Variants in KCNT1 observed in about 807,000 individuals in gnomAD.
KCNT1 encodes potassium channel subfamily T member 1.
A neutral mutation model predicts 147.8 loss-of-function variants in KCNT1; 78 were observed. The observed-to-expected ratio is 0.53, with a 90% CI of 0.44 to 0.64. The LOEUF (loss-of-function observed/expected upper bound fraction) is 0.64. Among genes scored for constraint, KCNT1 ranks in the 30% least tolerant of loss-of-function variants. The pLI is 0.00. For synonymous variants in KCNT1, 867 were observed against 748.8 expected (o/e 1.16, Z -2.58); for missense variants, 1,419 against 1,750.3 (o/e 0.81, Z 3.38).
intron 2 of KCNT1, chr9:135,737,109 CTTG>C: frequency 5.7e-6 from 1 of 174,610 alleles, no homozygotes; most frequent in Non-Finnish European, 1.2e-5. Flanking sequence ...GAGCCCCGAT[CTTG>C]TTGGTGCCAG....
Position 135,714,799 on chromosome 9 carries a change from C to A in KCNT1, c.254+79C>A. Reference sequence around the variant, plus strand: ...CGCCCGGAGCTGTCCGCGGTGCTGACGGCCGGTCCCGCGCGCCCCCGCAGC... The same window carrying A: ...CGCCCGGAGCTGTCCGCGGTGCTGAAGGCCGGTCCCGCGCGCCCCCGCAGC... On this transcript the variant is annotated intron_variant, in intron 2 of 30. Transcript: ENST00000371757. This position sits in a 1 kb window ranked among gnomAD's most constrained non-coding sequence, Gnocchi z 6.2. 2 of 1,018,576 alleles carry A rather than the reference C, an allele frequency of 2.0e-6. No homozygotes were observed. Among genetic ancestry groups the A allele is most frequent in the Non-Finnish European group, 2.4e-6 (2 of 822,608 alleles). The allele number at this position is 1,018,576 out of a possible 1,614,324, so 63.1% of individuals were successfully genotyped here. A position where few individuals can be genotyped will look rare whatever the true frequency, so the allele number is the denominator to read the frequency against.
At chr9:135,759,455 TGTCAGCCAGC>T (rs1356705090) in intron 10 of KCNT1, among the ~76,000 whole-genome samples, 1 of 152,190 alleles carries the variant, frequency 6.6e-6, no homozygotes, top group African/African-American at 2.4e-5. Context: ...CAAGCTGCAT[TGTCAGCCAGC>T]GTCAGGCAGG....
Position 135,731,960 on chromosome 9 carries a change from GTATATA to G in KCNT1, c.254+17267_254+17272del, listed in dbSNP as rs776201547. Among the ~76,000 whole-genome samples, 167 of 41,370 alleles carry G rather than the reference GTATATA, an allele frequency of 4.0e-3. 2 individuals are homozygous for G. The highest frequency in any genetic ancestry group is 0.019 in the Middle Eastern group (1 of 52). The allele number at this position is 41,370 out of a possible 152,430, so 27.1% of individuals were successfully genotyped here. ...ATCTAAATACTTTTCAAATATGCGT[GTATATA>G]TATATATATATATATATATATATAT... On this transcript the variant is annotated intron_variant, in intron 2 of 30. Coordinates refer to ENST00000371757, the MANE Select transcript of KCNT1 (RefSeq NM_020822.3).
At chr9:135,768,584 C>T (rs1242275707) in intron 13 of KCNT1, 26 bp from the exon 14 acceptor site, 2 of 1,546,886 alleles carry the variant, frequency 1.3e-6, no homozygotes, top group Non-Finnish European at 1.7e-6. Context: ...CTGCTCCACC[C>T]ACGCTCAGGC....
In KCNT1 at chr9:135,765,016, G is replaced by A. The variant is rs112341167; in HGVS notation, c.1036-15G>A. 31,977 of 1,599,926 alleles carry A rather than the reference G, an allele frequency of 0.02. 445 individuals carry two copies. The highest frequency in any genetic ancestry group is 0.072 in the Middle Eastern group (436 of 6,024). On this transcript the variant is annotated splice_polypyrimidine_tract_variant and intron_variant, in intron 11 of 30. Coordinates refer to ENST00000371757, the MANE Select transcript of KCNT1 (RefSeq NM_020822.3). ...CAGGCCTGGTCGCTGGTGCTCACCTGTTTCTCACCTGCAGTTCGAGGAGCT... is the reference window on the plus strand; with the variant it reads ...CAGGCCTGGTCGCTGGTGCTCACCTATTTCTCACCTGCAGTTCGAGGAGCT...
chr9:135,734,988 C>T (rs1276400679), intron 2 of KCNT1, among the ~76,000 whole-genome samples: 1 of 152,212 alleles, frequency 6.6e-6, no homozygotes, highest in African/African-American at 2.4e-5. Context: ...CACTCAGCAG[C>T]ACGCCCAGGA....
intron 1 of KCNT1, among the ~76,000 whole-genome samples, chr9:135,713,234 C>T (rs1005782369): frequency 2.6e-5 from 4 of 152,274 alleles, no homozygotes; most frequent in African/African-American, 9.6e-5. Context: ...CCCTGCCTGC[C>T]TGCACCTCCC....
intron 2 of KCNT1, among the ~76,000 whole-genome samples, chr9:135,740,612 C>T (rs1830522715): frequency 1.3e-5 from 2 of 152,254 alleles, no homozygotes; most frequent in African/African-American, 2.4e-5. Context: ...AGCCCAGATC[C>T]TTCCACTGAC....
At chr9:135,735,366 G>A (rs915882147) in intron 2 of KCNT1, among the ~76,000 whole-genome samples, 6 of 152,310 alleles carry the variant, frequency 3.9e-5, no homozygotes, top group East Asian at 3.9e-4. Context: ...AGCCTCCCTC[G>A]AGTGGTCCAG....
At chr9:135,746,926 A>G (rs1267365024) in intron 2 of KCNT1, among the ~76,000 whole-genome samples, 1 of 151,988 alleles carries the variant, frequency 6.6e-6, no homozygotes, top group Non-Finnish European at 1.5e-5. Context: ...GGGAGGGTAC[A>G]GGAGCCTGAG....
At chr9:135,707,933 G>C (rs746494639) in intron 1 of KCNT1, among the ~76,000 whole-genome samples, 1 of 152,166 alleles carries the variant, frequency 6.6e-6, no homozygotes, top group African/African-American at 2.4e-5. Flanking sequence ...AGCCACCCTC[G>C]CATGGGCAAG....
rs770741523 is a variant in KCNT1 at position 135,765,734 on chromosome 9, C to T, written c.1311C>T (p.Leu437=). 87 of 1,581,598 alleles carry T rather than the reference C, an allele frequency of 5.5e-5. No homozygotes were observed. Among genetic ancestry groups the T allele is most frequent in the Non-Finnish European group, 6.0e-6 (7 of 1,159,820 alleles). Residue 437 remains leucine (L), a synonymous_variant, in exon 13 of 31, where the codon CTC becomes CTT. Coordinates refer to ENST00000371757, the MANE Select transcript of KCNT1 (RefSeq NM_020822.3). ...TCATCTACCTCCAGGGCTCTGCACTCAAAGACCAGGACCTCATGCGAGCCA... is the reference window on the plus strand; with the variant it reads ...TCATCTACCTCCAGGGCTCTGCACTTAAAGACCAGGACCTCATGCGAGCCA... ...QRVIYLQGSA[L]KDQDLMRAKM...
In KCNT1 at chr9:135,792,324, G is replaced by A. The variant is rs1449710551; in HGVS notation, c.*163G>A. ...CTGGAAAGGAGCCCCTCATGCGGGGGGAGGGCCAGCTCACCCCTGGGCACC... is the reference window on the plus strand; with the variant it reads ...CTGGAAAGGAGCCCCTCATGCGGGGAGAGGGCCAGCTCACCCCTGGGCACC... On this transcript the variant is annotated 3_prime_UTR_variant, in exon 31 of 31. Transcript: ENST00000371757. 2 of 913,664 alleles carry A rather than the reference G, an allele frequency of 2.2e-6. No homozygotes were observed. The highest frequency in any genetic ancestry group is 2.8e-5 in the East Asian group (1 of 36,010). The allele number at this position is 913,664 out of a possible 1,614,324, so 56.6% of individuals were successfully genotyped here. A position where few individuals can be genotyped will look rare whatever the true frequency, so the allele number is the denominator to read the frequency against.
intron 1 of KCNT1, among the ~76,000 whole-genome samples, chr9:135,711,911 G>T (rs1426334923): frequency 1.3e-5 from 2 of 152,246 alleles, no homozygotes; most frequent in African/African-American, 2.4e-5. Context: ...CAGGCATGCT[G>T]TCTGGTTACA....
At chr9:135,707,949 C>T (rs973294797) in intron 1 of KCNT1, among the ~76,000 whole-genome samples, 11 of 152,240 alleles carry the variant, frequency 7.2e-5, no homozygotes, top group African/African-American at 2.2e-4. Context: ...GCAAGAAGCC[C>T]CTCCCCTAAA....
intron 2 of KCNT1, among the ~76,000 whole-genome samples, chr9:135,738,937 C>G (rs998012669): frequency 6.6e-6 from 1 of 152,110 alleles, no homozygotes; most frequent in African/African-American, 2.4e-5. Flanking sequence ...AGTAAAAGTG[C>G]CCAATGGGGG....
At chr9:135,760,762 C>G (rs1266009743) in intron 11 of KCNT1, among the ~76,000 whole-genome samples, 1 of 152,234 alleles carries the variant, frequency 6.6e-6, no homozygotes, top group Non-Finnish European at 1.5e-5. Context: ...GCCATGTTCT[C>G]CACATCTGTG....
At chr9:135,778,211 T>A (rs977729984) in intron 21 of KCNT1, among the ~76,000 whole-genome samples, 3 of 152,184 alleles carry the variant, frequency 2.0e-5, no homozygotes, top group African/African-American at 7.2e-5. Context: ...CTGTGTGACC[T>A]CAGCAGGTCC....
At chr9:135,783,092 G>A (rs1833731456) in intron 24 of KCNT1, among the ~76,000 whole-genome samples, 1 of 152,230 alleles carries the variant, frequency 6.6e-6, no homozygotes, top group African/African-American at 2.4e-5. Flanking sequence ...CGAGCTCCAG[G>A]GTTGGGGCCC....
Sources: allele counts gnomAD v4.1 joint callset (sites outside exome capture counted in the v4.1 genomes callset), GRCh38; gene constraint gnomAD v4.1.1; non-coding constraint Gnocchi (gnomAD v3.1); transcripts MANE v1.5; gene names NCBI Gene and HGNC (gene_info 2026-07-23, HGNC 2026-07-21).